Variants in DKK2 observed in about 807,000 individuals in gnomAD.
The protein encoded by DKK2 is dickkopf Wnt signaling pathway inhibitor 2, also known as dickkopf-related protein 2.
Under a neutral mutation model 28.1 loss-of-function variants are expected in DKK2, and 11 were observed. That is an observed-to-expected ratio of 0.39 (90% CI 0.25 to 0.65). The LOEUF is 0.65. Among genes scored for constraint, DKK2 ranks in the 30% least tolerant of loss-of-function variants. The pLI is 0.47. For synonymous variants in DKK2, 135 were observed against 126.5 expected (o/e 1.07, Z -0.45); for missense variants, 326 against 335.5 (o/e 0.97, Z 0.22).
At chr4:106,983,494 G>T (rs1474448082) in intron 1 of DKK2, among the ~76,000 whole-genome samples, 1 of 151,982 alleles carries the variant, frequency 6.6e-6, no homozygotes, top group South Asian at 2.1e-4. Flanking sequence ...AACAATAAAA[G>T]TTTTAAGAAA....
intron 1 of DKK2, among the ~76,000 whole-genome samples, chr4:106,943,138 A>G (rs952638429): frequency 1.3e-5 from 2 of 152,128 alleles, no homozygotes; most frequent in African/African-American, 4.8e-5. Context: ...CTTCACTTTT[A>G]AGCAACCTTC....
chr4:106,946,606 C>T (rs1724780080), intron 1 of DKK2, among the ~76,000 whole-genome samples: 1 of 152,070 alleles, frequency 6.6e-6, no homozygotes, highest in African/African-American at 2.4e-5. Flanking sequence ...AAGACATAAT[C>T]TCAAATCTCT....
At chr4:106,983,645 A>G (rs1723067980) in intron 1 of DKK2, among the ~76,000 whole-genome samples, 1 of 152,228 alleles carries the variant, frequency 6.6e-6, no homozygotes, top group South Asian at 2.1e-4. Flanking sequence ...GCTATGTGAA[A>G]GACTGCATTA....
rs189804403 is a variant in DKK2 at position 106,990,752 on chromosome 4, G to A, written c.222+44618C>T. ...AAACTCAACTGGCAACCAGAGGCAA[G>A]AAAGCAGCTGATGCATTTCCTCCTA... On this transcript the variant is annotated intron_variant, in intron 1 of 3. Coordinates refer to ENST00000285311, the MANE Select transcript of DKK2 (RefSeq NM_014421.3). Among the ~76,000 whole-genome samples, 458 of 152,174 alleles carry A rather than the reference G, an allele frequency of 3.0e-3. 1 individual carries two copies. Among genetic ancestry groups the A allele is most frequent in the Non-Finnish European group, 4.6e-3 (316 of 68,002 alleles).
intron 1 of DKK2, among the ~76,000 whole-genome samples, chr4:106,947,158 C>T (rs773743267): frequency 9.2e-5 from 14 of 152,012 alleles, no homozygotes; most frequent in South Asian, 4.1e-4. Context: ...CATGGGCAAA[C>T]GGGGAAATGA....
intron 1 of DKK2, among the ~76,000 whole-genome samples, chr4:107,034,639 T>C (rs929218385): frequency 2.0e-5 from 3 of 152,220 alleles, no homozygotes; most frequent in Non-Finnish European, 2.9e-5. Context: ...TGTCATCTCA[T>C]CATTTTGCTT....
chr4:107,001,941 G>T (rs746619971), intron 1 of DKK2, among the ~76,000 whole-genome samples: 3 of 152,054 alleles, frequency 2.0e-5, no homozygotes, highest in Non-Finnish European at 4.4e-5. Flanking sequence ...ACATTACTTT[G>T]ATTACACCAC....
At chr4:107,010,570 TAAGA>T (rs1053054599) in intron 1 of DKK2, among the ~76,000 whole-genome samples, 3 of 151,572 alleles carry the variant, frequency 2.0e-5, no homozygotes, top group African/African-American at 7.2e-5. Context: ...CCAACTTTAG[TAAGA>T]CGTGTCAAGT....
chr4:106,967,962 GA>G (rs1014381324), intron 1 of DKK2, among the ~76,000 whole-genome samples: 3 of 149,448 alleles, frequency 2.0e-5, no homozygotes, highest in African/African-American at 7.3e-5. Flanking sequence ...AACAAAGAAA[GA>G]AAGGAATGAA....
intron 1 of DKK2, among the ~76,000 whole-genome samples, chr4:107,023,153 TA>T (rs1228937756): frequency 6.6e-6 from 1 of 152,138 alleles, no homozygotes; most frequent in Non-Finnish European, 1.5e-5. Context: ...CCATAGAGTA[TA>T]ATCTTCAACT....
intron 1 of DKK2, among the ~76,000 whole-genome samples, chr4:106,954,865 A>G (rs556517443): frequency 6.6e-6 from 1 of 152,312 alleles, no homozygotes; most frequent in Non-Finnish European, 1.5e-5. Context: ...GGTCTTTGGC[A>G]GTTCATGCTG....
At chr4:107,010,120 T>C (rs1229230462) in intron 1 of DKK2, among the ~76,000 whole-genome samples, 1 of 151,730 alleles carries the variant, frequency 6.6e-6, no homozygotes, top group Non-Finnish European at 1.5e-5. Flanking sequence ...AGTGATTTGA[T>C]TTGCCTATCA....
chr4:106,984,799 G>C (rs114334286), intron 1 of DKK2, among the ~76,000 whole-genome samples: 201 of 152,290 alleles, frequency 1.3e-3, no homozygotes, highest in Non-Finnish European at 2.4e-3. Flanking sequence ...TGGTTAAGCA[G>C]TCTGGAATAA....
At chr4:106,988,935 G>T (rs968302955) in intron 1 of DKK2, among the ~76,000 whole-genome samples, 1 of 152,138 alleles carries the variant, frequency 6.6e-6, no homozygotes, top group Non-Finnish European at 1.5e-5. Context: ...TGGGATTAAG[G>T]ATCAAAGTCA....
At chr4:106,993,037 T>C (rs976345344) in intron 1 of DKK2, among the ~76,000 whole-genome samples, 24 of 152,350 alleles carry the variant, frequency 1.6e-4, no homozygotes, top group Admixed American at 5.9e-4. Context: ...ATGAGTTCAT[T>C]TGAATCAGAA....
chr4:107,004,939 A>C (rs1382387812), intron 1 of DKK2, among the ~76,000 whole-genome samples: 4 of 152,182 alleles, frequency 2.6e-5, no homozygotes. Context: ...GGATGTGGGA[A>C]GCTTCTAGAA....
chr4:106,991,846 C>T (rs967596067), intron 1 of DKK2, among the ~76,000 whole-genome samples: 1 of 152,166 alleles, frequency 6.6e-6, no homozygotes, highest in Non-Finnish European at 1.5e-5. Flanking sequence ...CATATTTGGC[C>T]TACACCATCA....
intron 1 of DKK2, among the ~76,000 whole-genome samples, chr4:106,940,562 G>A (rs1724679230): frequency 6.6e-6 from 1 of 150,596 alleles, no homozygotes; most frequent in Non-Finnish European, 1.5e-5. Context: ...GATTCCTCAG[G>A]GATCTAGAAC....
chr4:106,970,404 G>T (rs1243037236), intron 1 of DKK2, among the ~76,000 whole-genome samples: 6 of 152,058 alleles, frequency 3.9e-5, no homozygotes, highest in African/African-American at 1.2e-4. Flanking sequence ...GTCACTGCAT[G>T]TTTAGAGTGA....
Sources: allele counts gnomAD v4.1 joint callset (sites outside exome capture counted in the v4.1 genomes callset), GRCh38; gene constraint gnomAD v4.1.1; transcripts MANE v1.5; gene names NCBI Gene and HGNC (gene_info 2026-07-23, HGNC 2026-07-21).